The following SNAI2 variants were observed in gnomAD, a reference collection of about 807,000 sequenced individuals.
SNAI2 encodes snail family transcriptional repressor 2.
Under a neutral mutation model 22.4 loss-of-function variants are expected in SNAI2, and 2 were observed. The observed-to-expected ratio is 0.09, with a 90% CI of 0.04 to 0.28. The LOEUF (loss-of-function observed/expected upper bound fraction) is 0.28, where lower values mean the gene tolerates loss of function less well. SNAI2 is among the 10% of genes least tolerant of loss of function. The pLI is 1.00. For missense variants in SNAI2, 239 were observed against 320.8 expected, an observed-to-expected ratio of 0.75 and a Z score of 1.95; for synonymous variants, 134 against 123.0, an observed-to-expected ratio of 1.09 and a Z score of -0.59.
chr8:48,918,756 G>T lies in SNAI2; in HGVS notation c.*51C>A, dbSNP rs1366390649. On this transcript the variant is annotated 3_prime_UTR_variant, in exon 3 of 3. Coordinates refer to ENST00000020945, the MANE Select transcript of SNAI2 (RefSeq NM_003068.5). ...GCCTTTGGACTTTATTTGTCATTTGGCTTCGGAGTGAAGAAATGCATTCTG... is the reference window on the plus strand; with the variant it reads ...GCCTTTGGACTTTATTTGTCATTTGTCTTCGGAGTGAAGAAATGCATTCTG... 3.7e-6 allele frequency: 6 copies of T among 1,600,218 alleles called. No homozygotes were observed. The highest frequency in any genetic ancestry group is 5.1e-6 in the Non-Finnish European group (6 of 1,167,756).
In SNAI2 at chr8:48,921,183, T is replaced by G. The variant is rs1357364552; in HGVS notation, c.79+4A>C. 1.2e-6 allele frequency: 2 copies of G among 1,607,048 alleles called. No homozygotes were observed. The highest frequency in any genetic ancestry group is 2.7e-5 in the African/African-American group (2 of 74,806). On this transcript the variant is annotated splice_donor_region_variant and intron_variant, in intron 1 of 2. Coordinates refer to ENST00000020945, the MANE Select transcript of SNAI2 (RefSeq NM_003068.5). ...TAGTTCTAGATATATTTTTCTCTTTTTACCTGTATGTGTGTCCAGTTCGCT... is the reference window on the plus strand; with the variant it reads ...TAGTTCTAGATATATTTTTCTCTTTGTACCTGTATGTGTGTCCAGTTCGCT...
chr8:48,921,324 C>T lies in SNAI2; in HGVS notation c.-59G>A. On this transcript the variant is annotated 5_prime_UTR_variant, in exon 1 of 3. Transcript: ENST00000020945. ...ATAACGGTCCGGCGGGAGGACACGGCGGTCCCTACAGCATCGCGGCGGGCC... is the reference window on the plus strand; with the variant it reads ...ATAACGGTCCGGCGGGAGGACACGGTGGTCCCTACAGCATCGCGGCGGGCC... 1 of 1,336,088 alleles carries T rather than the reference C, an allele frequency of 7.5e-7. No individual in the cohort carries two copies. The highest frequency in any genetic ancestry group is 1.1e-6 in the Non-Finnish European group (1 of 935,908). 82.8% of individuals were successfully genotyped at this position (1,336,088 alleles called of 1,614,324 possible). A position where few individuals can be genotyped will look rare whatever the true frequency, so the allele number is the denominator to read the frequency against.
At position 48,921,283 on chromosome 8, in the gene SNAI2, C is replaced by A. The variant is rs760985444; in HGVS notation, c.-18G>T. 5 of 1,606,176 alleles carry A rather than the reference C, an allele frequency of 3.1e-6. No individual in the cohort carries two copies. The highest frequency in any genetic ancestry group is 3.4e-6 in the Non-Finnish European group (4 of 1,175,702). The stretch of plus-strand genomic sequence containing the variant: ...CGCGGCATCTTGCCAGCGGGTCTGG[C>A]GGGCGCCCGGCGCGGATAACGGTCC... On this transcript the variant is annotated 5_prime_UTR_variant, in exon 1 of 3. Transcript: ENST00000020945.
rs1298723510 is a variant in SNAI2 at position 48,918,379 on chromosome 8, G to C, written c.*428C>G. The C allele has an allele frequency of 6.1e-6, 1 of 165,084 alleles. No homozygotes were observed. Among genetic ancestry groups the C allele is most frequent in the Admixed American group, 5.8e-5 (1 of 17,142 alleles). The allele number at this position is 165,084 out of a possible 1,614,324, so 10.2% of individuals were successfully genotyped here. On this transcript the variant is annotated 3_prime_UTR_variant, in exon 3 of 3. Coordinates refer to ENST00000020945, the MANE Select transcript of SNAI2 (RefSeq NM_003068.5). ...TACTTTTTAAGGCACCTGAGTTCGC[G>C]TCTGGCAGATCTCTTCCTATGGGAA...
chr8:48,919,892 T>C lies in SNAI2; in HGVS notation c.625+4A>G. The C allele has an allele frequency of 6.2e-7, 1 of 1,613,464 alleles. No individual in the cohort carries two copies. The highest frequency in any genetic ancestry group is 1.1e-5 in the South Asian group (1 of 91,046). On this transcript the variant is annotated splice_donor_region_variant and intron_variant, in intron 2 of 2. Coordinates refer to ENST00000020945, the MANE Select transcript of SNAI2 (RefSeq NM_003068.5). ...AACATTCCTGCCTATGGTTTTTCTC[T>C]TACCCGTGTGAGTTCTAATGTGTCC...
Position 48,920,205 on chromosome 8 carries a change from T to C in SNAI2, c.316A>G (p.Ile106Val), listed in dbSNP as rs760557285. The C allele has an allele frequency of 1.9e-6, 3 of 1,614,172 alleles. No individual in the cohort carries two copies. Among genetic ancestry groups the C allele is most frequent in the Non-Finnish European group, 2.5e-6 (3 of 1,180,034 alleles). The change falls in exon 2 of 3, where the codon ATT (isoleucine) becomes GTT (valine). Residue 106 changes from isoleucine (I) to valine (V), a missense_variant. Around this residue, in one of 3 missense-constraint regions of SNAI2, gnomAD observed 183 missense variants for 190.4 expected, o/e 0.96. Coordinates refer to ENST00000020945, the MANE Select transcript of SNAI2 (RefSeq NM_003068.5). ...TGTAGTCTTTCCTCTTCATCACTAA[T>C]GGGGCTTTCTGAGCCACTGTGGTCC... is the stretch of plus-strand genomic sequence containing the variant. Reference protein sequence around the residue: ...SKDHSGSESPISDEEERLQSK... With the variant: ...SKDHSGSESPVSDEEERLQSK...
Position 48,921,109 on chromosome 8 carries a change from G to T in SNAI2, c.79+78C>A. The T allele has an allele frequency of 3.9e-6, 4 of 1,034,134 alleles. No individual in the cohort carries two copies. The South Asian group carries it at 5.0e-5, about 13-fold the overall frequency. The allele number at this position is 1,034,134 out of a possible 1,614,324, so 64.1% of individuals were successfully genotyped here. A position where few individuals can be genotyped will look rare whatever the true frequency, so the allele number is the denominator to read the frequency against. On this transcript the variant is annotated intron_variant, in intron 1 of 2. Coordinates refer to ENST00000020945, the MANE Select transcript of SNAI2 (RefSeq NM_003068.5). ...TTGAATCTTTGGCTCTTTTGTAATG[G>T]TATTTGAAGGGTAATACGTAGATTC... is the stretch of plus-strand genomic sequence containing the variant.
intron 1 of SNAI2, among the ~76,000 whole-genome samples, chr8:48,920,937 T>A (rs1806153742): frequency 6.6e-6 from 1 of 152,236 alleles, no homozygotes; most frequent in South Asian, 2.1e-4. Context: ...TATGCATGTA[T>A]ACACAGGCTT....
rs1806112042 is a variant in SNAI2, at chr8:48,918,550, T to C, written c.*257A>G. On this transcript the variant is annotated 3_prime_UTR_variant, in exon 3 of 3. Transcript: ENST00000020945. ...TTTGAAGAGAAAGGTTACTGTCTTT[T>C]ATTCTCTCAATCTAGCCATCAGCAA... 2.0e-6 allele frequency: 1 copy of C among 491,106 alleles called. No homozygotes were observed. Among genetic ancestry groups the C allele is most frequent in the East Asian group, 3.6e-5 (1 of 27,992 alleles). 30.4% of individuals were successfully genotyped at this position (491,106 alleles called of 1,614,324 possible).
chr8:48,921,156 C>A (rs111984655), intron 1 of SNAI2, 31 bp downstream of exon 1: 2 of 1,437,554 alleles, frequency 1.4e-6, no homozygotes, highest in East Asian at 4.5e-5. Context: ...GCTCTAGATA[C>A]GTAGTTCTAG....
At chr8:48,919,137 T>C in intron 2 of SNAI2, 149 bp from the exon 3 acceptor site, 2 of 690,778 alleles carry the variant, frequency 2.9e-6, no homozygotes, top group South Asian at 3.7e-5. Flanking sequence ...ATAGACACTT[T>C]TAAAAATACC....
Position 48,917,948 on chromosome 8 carries a change from A to G in SNAI2, c.*859T>C, listed in dbSNP as rs1258340787. 1 of 152,206 alleles carries G rather than the reference A, an allele frequency of 6.6e-6. No homozygotes were observed. Among genetic ancestry groups the G allele is most frequent in the Non-Finnish European group, 1.5e-5 (1 of 68,030 alleles). The allele number at this position is 152,206 out of a possible 1,614,324, so 9.4% of individuals were successfully genotyped here. A position where few individuals can be genotyped will look rare whatever the true frequency, so the allele number is the denominator to read the frequency against. ...AAATTTACATTGACTCATCAACTAT[A>G]CAATTTAAAAAGGCACTTGGAAGGG... On this transcript the variant is annotated 3_prime_UTR_variant, in exon 3 of 3. Coordinates refer to ENST00000020945, the MANE Select transcript of SNAI2 (RefSeq NM_003068.5).
chr8:48,920,028 C>T lies in SNAI2; in HGVS notation c.493G>A (p.Asp165Asn). 1 of 1,614,206 alleles carries T rather than the reference C, an allele frequency of 6.2e-7. No individual in the cohort carries two copies. The highest frequency in any genetic ancestry group is 1.1e-5 in the South Asian group (1 of 91,080). The part of the protein sequence containing the change: ...SRKSFSCKYC[D>N]KEYVSLGALK... ...GCGCCCAGGCTCACATATTCCTTGT[C>T]ACAGTATTTACAGCTGAAAGATTTT... Residue 165 changes from aspartate to asparagine, a missense_variant, in exon 2 of 3, where the codon GAC (aspartate) becomes AAC (asparagine). Coordinates refer to ENST00000020945, the MANE Select transcript of SNAI2 (RefSeq NM_003068.5).
rs764103891 is a variant in SNAI2, at chr8:48,919,942, C to T, written c.579G>A (p.Ala193=). Residue 193 remains alanine, a synonymous_variant, in exon 2 of 3, where the codon GCG becomes GCA. Transcript: ENST00000020945. ...LPCVCKICGK[A]FSRPWLLQGH... is the part of the protein sequence containing the mutation. ...CTTGAAGCAACCAGGGTCTGGAAAA[C>T]GCCTTGCCGCAGATCTTGCAAACAC... 1.2e-5 allele frequency: 19 copies of T among 1,614,162 alleles called. No homozygotes were observed. Among genetic ancestry groups the T allele is most frequent in the Non-Finnish European group, 1.5e-5 (18 of 1,180,044 alleles).
At chr8:48,919,424 CCAAA>C (rs1393552379) in intron 2 of SNAI2, among the ~76,000 whole-genome samples, 1 of 152,152 alleles carries the variant, frequency 6.6e-6, no homozygotes, top group Non-Finnish European at 1.5e-5. Context: ...CAAAAAATCC[CCAAA>C]CAAAGCAAGA....
In SNAI2 at chr8:48,917,818, AAAAAG is replaced by A. The variant is rs1806100916; in HGVS notation, c.*984_*988del. On this transcript the variant is annotated 3_prime_UTR_variant, in exon 3 of 3. Coordinates refer to ENST00000020945, the MANE Select transcript of SNAI2 (RefSeq NM_003068.5). ...AAAAAAACTTGAAAATTGTTTTTTA[AAAAAG>A]AAACATTGATTTCACAAGTCTTCAG... 6.6e-6 allele frequency: 1 copy of A among 152,226 alleles called. No individual in the cohort carries two copies. Among genetic ancestry groups the A allele is most frequent in the Non-Finnish European group, 1.5e-5 (1 of 68,022 alleles). The allele number at this position is 152,226 out of a possible 1,614,324, so 9.4% of individuals were successfully genotyped here. A position where few individuals can be genotyped will look rare whatever the true frequency, so the allele number is the denominator to read the frequency against.
At position 48,918,957 on chromosome 8, in the gene SNAI2, G is replaced by A. The variant is rs1806119809; in HGVS notation, c.657C>T (p.Asn219=). Residue 219 remains asparagine (N), a synonymous_variant, in exon 3 of 3, where the codon AAC becomes AAT. Coordinates refer to ENST00000020945, the MANE Select transcript of SNAI2 (RefSeq NM_003068.5). ...GEKPFSCPHC[N]RAFADRSNLR... is the part of the protein sequence containing the mutation. ...GATTTGACCTGTCTGCAAATGCTCT[G>A]TTGCAGTGAGGGCAAGAAAAAGGCT... The A allele has an allele frequency of 4.3e-6, 7 of 1,614,020 alleles. No homozygotes were observed. Among genetic ancestry groups the A allele is most frequent in the Non-Finnish European group, 5.1e-6 (6 of 1,179,998 alleles).
At position 48,921,385 on chromosome 8, in the gene SNAI2, C is replaced by A; in HGVS notation, c.-120G>T. 1.3e-6 allele frequency: 1 copy of A among 777,736 alleles called. No individual in the cohort carries two copies. The highest frequency in any genetic ancestry group is 2.2e-6 in the Non-Finnish European group (1 of 445,508). 48.2% of individuals were successfully genotyped at this position (777,736 alleles called of 1,614,324 possible). On this transcript the variant is annotated 5_prime_UTR_variant, in exon 1 of 3. Transcript: ENST00000020945. The stretch of plus-strand genomic sequence containing the variant: ...AGGGGCCGTGCTCAGGTGCGGCAGA[C>A]GGACGGGCCGGCGCCTCTGAAGTCA...
rs768851497 is a variant in SNAI2 at position 48,921,285 on chromosome 8, G to A, written c.-20C>T. On this transcript the variant is annotated 5_prime_UTR_variant, in exon 1 of 3. Coordinates refer to ENST00000020945, the MANE Select transcript of SNAI2 (RefSeq NM_003068.5). The stretch of plus-strand genomic sequence containing the variant: ...CGGCATCTTGCCAGCGGGTCTGGCG[G>A]GCGCCCGGCGCGGATAACGGTCCGG... 1.2e-6 allele frequency: 2 copies of A among 1,603,606 alleles called. No individual in the cohort carries two copies. The highest frequency in any genetic ancestry group is 1.7e-6 in the Non-Finnish European group (2 of 1,173,520).
Sources: gnomAD v4.1 joint callset for allele counts (sites outside exome capture counted in the v4.1 genomes callset) on GRCh38, gnomAD v4.1.1 for gene constraint, gnomAD v4.1.1 regional missense constraint, MANE v1.5 for transcripts, NCBI Gene and HGNC (gene_info 2026-07-23, HGNC 2026-07-21) for gene names.